The following DYRK1A variants were observed in gnomAD, a reference collection of about 807,000 sequenced individuals.
DYRK1A encodes dual specificity tyrosine-phosphorylation-regulated kinase 1A.
A neutral mutation model predicts 79.7 loss-of-function variants in DYRK1A; 9 were observed. The observed-to-expected ratio is 0.11, with a 90% CI of 0.07 to 0.20. The LOEUF (loss-of-function observed/expected upper bound fraction) is 0.20, where lower values mean the gene tolerates loss of function less well. Among genes scored for constraint, DYRK1A ranks in the 10% least tolerant of loss-of-function variants. DYRK1A has a pLI of 1.00. For missense variants in DYRK1A, 622 were observed against 956.0 expected, an observed-to-expected ratio of 0.65 and a Z score of 4.61; for synonymous variants, 349 against 329.7, an observed-to-expected ratio of 1.06 and a Z score of -0.63.
intron 2 of DYRK1A, among the ~76,000 whole-genome samples, chr21:37,468,016 A>G (rs1278326947): frequency 6.6e-6 from 1 of 152,190 alleles, no homozygotes; most frequent in African/African-American, 2.4e-5. Context: ...TTCTATAGAG[A>G]TCAATGCAAT....
At chr21:37,496,720 T>C (rs886860778) in intron 9 of DYRK1A, among the ~76,000 whole-genome samples, 2 of 152,138 alleles carry the variant, frequency 1.3e-5, no homozygotes, top group African/African-American at 4.8e-5. Flanking sequence ...GTGATTTTTT[T>C]CCAAGGATAT....
chr21:37,447,681 G>A (rs1487490697), intron 2 of DYRK1A, among the ~76,000 whole-genome samples: 1 of 152,118 alleles, frequency 6.6e-6, no homozygotes, highest in Non-Finnish European at 1.5e-5. Context: ...TTATACTCAC[G>A]GCCATGGTGC....
At position 37,394,627 on chromosome 21, in the gene DYRK1A, C is replaced by T. The variant is rs534529709; in HGVS notation, c.-76-25672C>T. ...GCGGCATTTGATTCTCATAGGAGCG[C>T]GAACCCTGTTGTGAACTGCACATGT... On this transcript the variant is annotated intron_variant, in intron 1 of 11. Coordinates refer to ENST00000647188, the MANE Select transcript of DYRK1A (RefSeq NM_001347721.2). Among the ~76,000 whole-genome samples, 8 of 152,188 alleles carry T rather than the reference C, an allele frequency of 5.3e-5. No individual in the cohort carries two copies. In the East Asian group the frequency reaches 5.8e-4, roughly 11 times the overall value.
intron 5 of DYRK1A, among the ~76,000 whole-genome samples, chr21:37,484,311 G>A (rs2052769810): frequency 6.7e-6 from 1 of 149,772 alleles, no homozygotes; most frequent in South Asian, 2.1e-4. Context: ...CGTTTGGGCA[G>A]TTGCACTCAA....
intron 2 of DYRK1A, among the ~76,000 whole-genome samples, chr21:37,423,521 A>G (rs2050533302): frequency 6.6e-6 from 1 of 152,170 alleles, no homozygotes; most frequent in Non-Finnish European, 1.5e-5. Context: ...AAAGACTTTT[A>G]TATAAAGAAA....
chr21:37,431,749 C>T (rs73903964), intron 2 of DYRK1A, among the ~76,000 whole-genome samples: 1,621 of 152,190 alleles, frequency 0.011, 21 homozygotes, highest in African/African-American at 0.037. Context: ...TTTCATATGA[C>T]GTAGAAATTG....
chr21:37,435,706 A>T (rs2050904540), intron 2 of DYRK1A, among the ~76,000 whole-genome samples: 1 of 152,050 alleles, frequency 6.6e-6, no homozygotes, highest in African/African-American at 2.4e-5. Flanking sequence ...AGCATGCTTG[A>T]TTTTTCTTAT....
chr21:37,416,317 CTT>C (rs775621138), intron 1 of DYRK1A, among the ~76,000 whole-genome samples: 1,146 of 98,100 alleles, frequency 0.012, 19 homozygotes, highest in African/African-American at 0.042. Context: ...GTGTTTTGGC[CTT>C]TTTTTTTTTT....
chr21:37,450,640 C>T (rs1278717824), intron 2 of DYRK1A, among the ~76,000 whole-genome samples: 1 of 152,198 alleles, frequency 6.6e-6, no homozygotes, highest in Admixed American at 6.5e-5. Flanking sequence ...ATACTCTAGC[C>T]TTGGGCAGGG....
At chr21:37,474,829 T>C (rs894007234) in intron 3 of DYRK1A, among the ~76,000 whole-genome samples, 1 of 152,224 alleles carries the variant, frequency 6.6e-6, no homozygotes, top group South Asian at 2.1e-4. Context: ...TGGGCTATTC[T>C]AGTTTTCACA....
chr21:37,507,265 C>T lies in DYRK1A; in HGVS notation c.1644+1042C>T, dbSNP rs117420684. ...GGCCAAGCCCACTCATTGCCCTGATCCCCTCTCTCCTGCCATCATGGGGGC... is the reference window on the plus strand; with the variant it reads ...GGCCAAGCCCACTCATTGCCCTGATTCCCTCTCTCCTGCCATCATGGGGGC... On this transcript the variant is annotated intron_variant, in intron 11 of 11. Coordinates refer to ENST00000647188, the MANE Select transcript of DYRK1A (RefSeq NM_001347721.2). Among the ~76,000 whole-genome samples the T allele has an allele frequency of 3.4e-4, 52 of 152,230 alleles. No individual in the cohort carries two copies. In the East Asian group the frequency reaches 3.7e-3, roughly 11 times the overall value.
intron 8 of DYRK1A, among the ~76,000 whole-genome samples, chr21:37,494,677 G>T (rs753009507): frequency 1.1e-4 from 17 of 152,216 alleles, no homozygotes; most frequent in Admixed American, 6.5e-5. Flanking sequence ...GCCGGGCGCA[G>T]TGGCTCACAC....
intron 2 of DYRK1A, among the ~76,000 whole-genome samples, chr21:37,446,082 A>C (rs1052497256): frequency 6.6e-6 from 1 of 151,238 alleles, no homozygotes; most frequent in African/African-American, 2.4e-5. Context: ...CTTAGGCGTT[A>C]AGAAGTGAAC....
chr21:37,424,057 CT>C (rs1453599120), intron 2 of DYRK1A, among the ~76,000 whole-genome samples: 1 of 152,034 alleles, frequency 6.6e-6, no homozygotes, highest in Non-Finnish European at 1.5e-5. Context: ...AAAACCCCAA[CT>C]TTTAAAATCC....
At chr21:37,490,983 C>A (rs1462318698) in intron 7 of DYRK1A, among the ~76,000 whole-genome samples, 1 of 152,014 alleles carries the variant, frequency 6.6e-6, no homozygotes, top group Non-Finnish European at 1.5e-5. Context: ...CAAGATAAAT[C>A]TTTTTTCTCA....
intron 1 of DYRK1A, among the ~76,000 whole-genome samples, chr21:37,381,140 A>C (rs2049650298): frequency 6.6e-6 from 1 of 152,228 alleles, no homozygotes; most frequent in South Asian, 2.1e-4. Context: ...AACACTAAAT[A>C]AACATTTGTT....
intron 1 of DYRK1A, among the ~76,000 whole-genome samples, chr21:37,409,688 T>A (rs73903956): frequency 0.053 from 8,009 of 152,222 alleles, 745 homozygotes; most frequent in African/African-American, 0.18. Context: ...GTATAATAAA[T>A]TAGTAATTAC....
intron 3 of DYRK1A, among the ~76,000 whole-genome samples, chr21:37,476,282 T>A (rs1302179159): frequency 6.6e-6 from 1 of 152,230 alleles, no homozygotes; most frequent in Non-Finnish European, 1.5e-5. Context: ...TTTATCTCCC[T>A]TGAGATTGTT....
chr21:37,380,276 T>C (rs2049630155), intron 1 of DYRK1A, among the ~76,000 whole-genome samples: 1 of 152,264 alleles, frequency 6.6e-6, no homozygotes, highest in Non-Finnish European at 1.5e-5. Flanking sequence ...ACTTTATCTT[T>C]ACATCAAATG....
Sources: allele counts gnomAD v4.1 joint callset (sites outside exome capture counted in the v4.1 genomes callset), GRCh38; gene constraint gnomAD v4.1.1; transcripts MANE v1.5; gene names NCBI Gene and HGNC (gene_info 2026-07-23, HGNC 2026-07-21).